HOGA1: variants seen among roughly 807,000 people sequenced by gnomAD.
The protein encoded by HOGA1 is 4-hydroxy-2-oxoglutarate aldolase 1.
Under a neutral mutation model 34.3 loss-of-function variants are expected in HOGA1, and 30 were observed. That is an observed-to-expected ratio of 0.87 (90% CI 0.65 to 1.19). The LOEUF (loss-of-function observed/expected upper bound fraction) is 1.19, where lower values mean the gene tolerates loss of function less well. Among genes scored for constraint, HOGA1 ranks in the 50% most tolerant of loss-of-function variants. HOGA1 has a pLI of 0.00. For synonymous variants in HOGA1, 161 were observed against 174.0 expected, an observed-to-expected ratio of 0.93 and a Z score of 0.59; for missense variants, 417 against 436.5, an observed-to-expected ratio of 0.96 and a Z score of 0.40.
chr10:97,608,407 A>G lies in HOGA1; in HGVS notation c.835-3103A>G, dbSNP rs181309168. The stretch of plus-strand genomic sequence containing the variant: ...GATTACTTATGCATGAGCCTTCTAT[A>G]TGGTGGGGCACAGCTCTGTTGGATC... On this transcript the variant is annotated intron_variant, in intron 6 of 6. Transcript: ENST00000370646. 1.6e-4 allele frequency among the ~76,000 whole-genome samples: 24 copies of G among 152,332 alleles called. No homozygotes were observed. In the South Asian group the frequency reaches 3.5e-3, roughly 22 times the overall value.
chr10:97,593,826 G>A (rs184606926), intron 1 of HOGA1, among the ~76,000 whole-genome samples: 3 of 152,182 alleles, frequency 2.0e-5, no homozygotes, highest in Non-Finnish European at 4.4e-5. Flanking sequence ...ACAAGCAAGG[G>A]TGCAGAGGGA....
At chr10:97,597,008 C>T (rs941416214) in intron 1 of HOGA1, among the ~76,000 whole-genome samples, 3 of 152,078 alleles carry the variant, frequency 2.0e-5, no homozygotes, top group African/African-American at 7.2e-5. Flanking sequence ...AACTCCACAT[C>T]GAATTTCTGG....
chr10:97,606,827 C>T (rs1346053025), intron 6 of HOGA1, among the ~76,000 whole-genome samples: 1 of 152,168 alleles, frequency 6.6e-6, no homozygotes, highest in African/African-American at 2.4e-5. Flanking sequence ...AGCCTGCATA[C>T]CAATCTGGGG....
At chr10:97,594,029 C>A (rs2041049517) in intron 1 of HOGA1, among the ~76,000 whole-genome samples, 1 of 151,954 alleles carries the variant, frequency 6.6e-6, no homozygotes, top group Non-Finnish European at 1.5e-5. Context: ...CCACCACGCC[C>A]AGCTAATTTT....
chr10:97,602,697 CTTT>C, intron 6 of HOGA1: 1 of 706,794 alleles, frequency 1.4e-6, no homozygotes, highest in Non-Finnish European at 1.7e-6. Context: ...TTCCTTCTTT[CTTT>C]TTTTAGACAG....
chr10:97,588,983 G>GC (rs1003075808), intron 1 of HOGA1, among the ~76,000 whole-genome samples: 25 of 152,152 alleles, frequency 1.6e-4, no homozygotes, highest in Non-Finnish European at 5.9e-5. Context: ...TGGCCAGCCA[G>GC]CCCACCTGCT....
intron 5 of HOGA1, among the ~76,000 whole-genome samples, chr10:97,601,429 G>A (rs528588663): frequency 2.0e-5 from 3 of 152,242 alleles, no homozygotes; most frequent in East Asian, 3.9e-4. Context: ...GTCTCTGGTT[G>A]CATCCACTGG....
chr10:97,607,308 C>A (rs943034081), intron 6 of HOGA1, among the ~76,000 whole-genome samples: 1 of 152,174 alleles, frequency 6.6e-6, no homozygotes, highest in Non-Finnish European at 1.5e-5. Context: ...GACTTCCCTC[C>A]CCCTGGCCTG....
intron 5 of HOGA1, among the ~76,000 whole-genome samples, chr10:97,601,656 G>C (rs1220069856): frequency 6.6e-6 from 1 of 152,170 alleles, no homozygotes; most frequent in African/African-American, 2.4e-5. Flanking sequence ...TGACCTGCGG[G>C]ATTCTATTTT....
At chr10:97,595,260 C>G (rs2041059923) in intron 1 of HOGA1, among the ~76,000 whole-genome samples, 1 of 152,198 alleles carries the variant, frequency 6.6e-6, no homozygotes, top group Admixed American at 6.5e-5. Context: ...TTGAGAGCAG[C>G]CTCCCCTTCA....
intron 1 of HOGA1, 86 bp from the exon 2 acceptor site, chr10:97,598,689 G>T: frequency 6.6e-7 from 1 of 1,517,940 alleles, no homozygotes; most frequent in South Asian, 1.1e-5. Flanking sequence ...ATGTGTGAAA[G>T]ATTATGGTGT....
At chr10:97,610,748 TGAG>T (rs1252257888) in intron 6 of HOGA1, among the ~76,000 whole-genome samples, 1 of 151,942 alleles carries the variant, frequency 6.6e-6, no homozygotes, top group Admixed American at 6.6e-5. Flanking sequence ...TGCAATGAGC[TGAG>T]ATCAGGACAC....
chr10:97,598,571 C>T (rs1393181693), intron 1 of HOGA1, among the ~76,000 whole-genome samples: 1 of 152,194 alleles, frequency 6.6e-6, no homozygotes, highest in Non-Finnish European at 1.5e-5. Context: ...TGAGCCACTG[C>T]ATCCCAGCCT....
intron 1 of HOGA1, among the ~76,000 whole-genome samples, chr10:97,594,561 GC>G (rs1159652508): frequency 6.6e-6 from 1 of 152,040 alleles, no homozygotes; most frequent in African/African-American, 2.4e-5. Flanking sequence ...CACCATGTTG[GC>G]CAGGCTGGTC....
intron 5 of HOGA1, 171 bp downstream of exon 5, chr10:97,600,334 C>T (rs1024511389): frequency 2.2e-5 from 15 of 673,346 alleles, no homozygotes; most frequent in African/African-American, 1.2e-4. Flanking sequence ...TGTCTGAATT[C>T]GGGATGCTGT....
At chr10:97,605,047 C>A (rs759553335) in intron 6 of HOGA1, among the ~76,000 whole-genome samples, 1 of 152,090 alleles carries the variant, frequency 6.6e-6, no homozygotes, top group Non-Finnish European at 1.5e-5. Context: ...CATAAGTTTT[C>A]ATTTTTCTGG....
chr10:97,608,170 GGTATGAGGGTGT>G (rs2041170493), intron 6 of HOGA1, among the ~76,000 whole-genome samples: 2 of 152,242 alleles, frequency 1.3e-5, no homozygotes, highest in Admixed American at 1.3e-4. Flanking sequence ...AAATTAGCCA[GGTATGAGGGTGT>G]GCAACTCTAG....
At chr10:97,607,405 T>C (rs1207737807) in intron 6 of HOGA1, among the ~76,000 whole-genome samples, 2 of 152,166 alleles carry the variant, frequency 1.3e-5, no homozygotes, top group Non-Finnish European at 1.5e-5. Context: ...TCGGCTGGAG[T>C]AGAGCAGTTA....
chr10:97,606,128 CAAAAAAAA>C (rs60230634), intron 6 of HOGA1, among the ~76,000 whole-genome samples: 16 of 95,212 alleles, frequency 1.7e-4, no homozygotes, highest in Middle Eastern at 6.6e-3. Flanking sequence ...ACTAAAAATA[CAAAAAAAA>C]AAAAAAAAAA....
Sources: gnomAD v4.1 joint callset for allele counts (sites outside exome capture counted in the v4.1 genomes callset) on GRCh38, gnomAD v4.1.1 for gene constraint, MANE v1.5 for transcripts, NCBI Gene and HGNC (gene_info 2026-07-23, HGNC 2026-07-21) for gene names.